PPFIA1: variants seen among roughly 807,000 people sequenced by gnomAD.
PPFIA1 encodes liprin-alpha-1.
PPFIA1 carries 25 observed loss-of-function variants against 149.9 expected under a neutral mutation model. That is an observed-to-expected ratio of 0.17 (90% CI 0.12 to 0.23). The LOEUF is 0.23. PPFIA1 is among the 10% of genes least tolerant of loss of function. The pLI is 1.00. For missense variants in PPFIA1, 1,362 were observed against 1,506.5 expected, an observed-to-expected ratio of 0.90 and a Z score of 1.59; for synonymous variants, 549 against 552.8, an observed-to-expected ratio of 0.99 and a Z score of 0.10.
At chr11:70,281,341 G>T (rs962898581) in intron 2 of PPFIA1, among the ~76,000 whole-genome samples, 1 of 152,176 alleles carries the variant, frequency 6.6e-6, no homozygotes, top group African/African-American at 2.4e-5. Flanking sequence ...GTCAGTAAGC[G>T]TCAGTTGAAG....
chr11:70,366,076 T>G (rs2056919839), intron 21 of PPFIA1: 1 of 410,810 alleles, frequency 2.4e-6, no homozygotes, highest in African/African-American at 2.1e-5. Flanking sequence ...AGCATCTTAG[T>G]TTATTCGGAG....
intron 7 of PPFIA1, among the ~76,000 whole-genome samples, chr11:70,327,866 G>C (rs2054414234): frequency 6.6e-6 from 1 of 152,106 alleles, no homozygotes; most frequent in South Asian, 2.1e-4. Flanking sequence ...CCTGCGCTTT[G>C]TCCCTTGTCA....
At chr11:70,320,436 C>CTTTTT (rs34619705) in intron 2 of PPFIA1, among the ~76,000 whole-genome samples, 2 of 128,340 alleles carry the variant, frequency 1.6e-5, no homozygotes, top group Non-Finnish European at 3.2e-5. Flanking sequence ...GATGTAGCTA[C>CTTTTT]TTTTTTTTTT....
chr11:70,314,622 T>C (rs2053486757), intron 2 of PPFIA1, among the ~76,000 whole-genome samples: 1 of 152,120 alleles, frequency 6.6e-6, no homozygotes, highest in Non-Finnish European at 1.5e-5. Flanking sequence ...ACTTGAAAAA[T>C]ACATAAAAGC....
At chr11:70,275,416 T>TA (rs1451107009) in intron 2 of PPFIA1, among the ~76,000 whole-genome samples, 16 of 152,352 alleles carry the variant, frequency 1.1e-4, no homozygotes, top group Admixed American at 3.3e-4. Context: ...TTTTGATACA[T>TA]AGAAGTGTAA....
At chr11:70,289,134 A>ATT (rs34632409) in intron 2 of PPFIA1, among the ~76,000 whole-genome samples, 6 of 150,488 alleles carry the variant, frequency 4.0e-5, no homozygotes, top group East Asian at 3.9e-4. Context: ...TGCTTGGCTA[A>ATT]TTTTTTTTTG....
intron 17 of PPFIA1, among the ~76,000 whole-genome samples, chr11:70,354,810 G>A (rs2056266688): frequency 6.6e-6 from 1 of 152,074 alleles, no homozygotes; most frequent in Admixed American, 6.5e-5. Flanking sequence ...CGCTCTCTAG[G>A]ACAACCCGTG....
At chr11:70,372,641 C>A in intron 23 of PPFIA1, 67 bp downstream of exon 23, 1 of 1,321,770 alleles carries the variant, frequency 7.6e-7, no homozygotes, top group Non-Finnish European at 1.1e-6. Context: ...GCCTCAGTGA[C>A]TTCCTATTTT....
At chr11:70,272,963 T>C (rs1250383441) in intron 2 of PPFIA1, among the ~76,000 whole-genome samples, 1 of 152,256 alleles carries the variant, frequency 6.6e-6, no homozygotes, top group Non-Finnish European at 1.5e-5. Context: ...CCTTAGGAAC[T>C]TTTTCCTTGG....
At position 70,328,449 on chromosome 11, in the gene PPFIA1, C is replaced by T. The variant is rs569508073; in HGVS notation, c.930+1631C>T. On this transcript the variant is annotated intron_variant, in intron 7 of 27. Coordinates refer to ENST00000253925, the MANE Select transcript of PPFIA1 (RefSeq NM_003626.5). ...GCTGCATAGTATTCCATGGTGTATA[C>T]GTACCACATTTTCTTTATGGAGTCT... Among the ~76,000 whole-genome samples, 142 of 152,258 alleles carry T rather than the reference C, an allele frequency of 9.3e-4. 1 individual carries two copies. Among genetic ancestry groups the T allele is most frequent in the African/African-American group, 3.2e-3 (135 of 41,558 alleles).
chr11:70,301,984 T>G (rs1488021944), intron 2 of PPFIA1, among the ~76,000 whole-genome samples: 6 of 152,192 alleles, frequency 3.9e-5, no homozygotes, highest in Non-Finnish European at 8.8e-5. Context: ...GGCTTGGGGT[T>G]TTAACAGTGA....
chr11:70,379,120 G>T (rs567291161), intron 26 of PPFIA1, among the ~76,000 whole-genome samples: 27 of 152,144 alleles, frequency 1.8e-4, no homozygotes, highest in Non-Finnish European at 1.0e-4. Context: ...TTCTGAGCCC[G>T]TGTCAGTCGG....
chr11:70,376,299 G>A (rs951041986), intron 24 of PPFIA1, among the ~76,000 whole-genome samples: 3 of 151,894 alleles, frequency 2.0e-5, no homozygotes, highest in African/African-American at 7.3e-5. Context: ...CCTAATTTTT[G>A]TATTTTTAGT....
At chr11:70,355,512 A>T in intron 17 of PPFIA1, 127 bp from the exon 18 acceptor site, 4 of 913,852 alleles carry the variant, frequency 4.4e-6, no homozygotes, top group Non-Finnish European at 6.5e-6. Flanking sequence ...TTTATCATGC[A>T]TGATGCACTT....
intron 2 of PPFIA1, among the ~76,000 whole-genome samples, chr11:70,284,633 A>G (rs1000288163): frequency 8.5e-5 from 13 of 152,224 alleles, no homozygotes; most frequent in Non-Finnish European, 1.5e-4. Context: ...GTGGGCTGCC[A>G]GGCACACTGT....
intron 2 of PPFIA1, among the ~76,000 whole-genome samples, chr11:70,291,659 A>G (rs1379306414): frequency 6.6e-6 from 1 of 152,018 alleles, no homozygotes; most frequent in African/African-American, 2.4e-5. Flanking sequence ...GCTGACTTAA[A>G]TGAATAGTTT....
chr11:70,297,626 A>G (rs2052167434), intron 2 of PPFIA1, among the ~76,000 whole-genome samples: 1 of 152,218 alleles, frequency 6.6e-6, no homozygotes, highest in South Asian at 2.1e-4. Context: ...GGCTTGTTAC[A>G]CACTACCTGT....
At chr11:70,362,719 A>G in intron 21 of PPFIA1, 1 of 381,460 alleles carries the variant, frequency 2.6e-6, no homozygotes, top group Non-Finnish European at 4.6e-6. Flanking sequence ...GCTTCATAGT[A>G]TAAAAATATG....
At chr11:70,297,919 G>A (rs1299756146) in intron 2 of PPFIA1, among the ~76,000 whole-genome samples, 1 of 152,186 alleles carries the variant, frequency 6.6e-6, no homozygotes, top group African/African-American at 2.4e-5. Context: ...TGGCCAGCAT[G>A]CCTGACAAAT....
Sources: allele counts gnomAD v4.1 joint callset (sites outside exome capture counted in the v4.1 genomes callset), GRCh38; gene constraint gnomAD v4.1.1; transcripts MANE v1.5; gene names NCBI Gene and HGNC (gene_info 2026-07-23, HGNC 2026-07-21).